The following EYS variants were observed in gnomAD, a reference collection of about 807,000 sequenced individuals.
EYS encodes the protein protein eyes shut homolog.
A neutral mutation model predicts 282.1 loss-of-function variants in EYS; 250 were observed. The ratio of observed to expected loss-of-function variants is 0.89; its 90% CI spans 0.80 to 0.98. The LOEUF (loss-of-function observed/expected upper bound fraction) is 0.98, where lower values mean the gene tolerates loss of function less well. Among genes scored for constraint, EYS ranks in the 50% least tolerant of loss-of-function variants. The probability of loss-of-function intolerance (pLI) is 0.00; values close to 1 mark genes in which losing one functional copy is unlikely to be tolerated. For synonymous variants in EYS, 1,355 were observed against 1,282.9 expected (o/e 1.06, Z -1.20); for missense variants, 4,016 against 3,709.0 (o/e 1.08, Z -2.15).
At chr6:64,450,987 A>T (rs147467895) in intron 26 of EYS, among the ~76,000 whole-genome samples, 4 of 151,942 alleles carry the variant, frequency 2.6e-5, no homozygotes, top group African/African-American at 4.8e-5. Flanking sequence ...AGCTAGCAGA[A>T]GGCAAGAAAT....
chr6:64,712,934 A>T (rs545793490), intron 22 of EYS, among the ~76,000 whole-genome samples: 2 of 152,310 alleles, frequency 1.3e-5, no homozygotes, highest in South Asian at 4.1e-4. Flanking sequence ...ATAAAGCCAC[A>T]CATCAAAACA....
rs376293341 is a variant in EYS, at chr6:63,968,160, C to A, written c.7055+16223G>T. The stretch of plus-strand genomic sequence containing the variant: ...TATTTGTCTTCTATATTTATATGTG[C>A]TCTTTGGGGCTATTTTAATTTGACA... On this transcript the variant is annotated intron_variant, in intron 35 of 42. Coordinates refer to ENST00000503581, the MANE Select transcript of EYS (RefSeq NM_001142800.2). 3.9e-5 allele frequency among the ~76,000 whole-genome samples: 6 copies of A among 152,088 alleles called. No homozygotes were observed. The South Asian group carries it at 1.2e-3, about 32-fold the overall frequency.
intron 26 of EYS, among the ~76,000 whole-genome samples, chr6:64,447,484 G>C (rs996164020): frequency 1.3e-5 from 2 of 151,474 alleles, no homozygotes; most frequent in Admixed American, 6.6e-5. Flanking sequence ...GCAATGTAAA[G>C]ATTTATATTA....
At position 65,217,426 on chromosome 6, in the gene EYS, TAAAC is replaced by T. The variant is rs370922142; in HGVS notation, c.2023+78433_2023+78436del. Reference sequence around the variant, plus strand: ...TATATGATCACTTATAATAAGGTATTAAACAATGAGAAATTTACTGTAAAGATGG... The same window carrying T: ...TATATGATCACTTATAATAAGGTATTAATGAGAAATTTACTGTAAAGATGG... On this transcript the variant is annotated intron_variant, in intron 12 of 42. Transcript: ENST00000503581. Among the ~76,000 whole-genome samples the T allele has an allele frequency of 9.3e-4, 142 of 152,168 alleles. 2 individuals are homozygous for T. Among genetic ancestry groups the T allele is most frequent in the African/African-American group, 3.2e-3 (131 of 41,552 alleles).
chr6:64,091,630 G>A (rs1177376829), intron 31 of EYS, among the ~76,000 whole-genome samples: 3 of 152,086 alleles, frequency 2.0e-5, no homozygotes, highest in Non-Finnish European at 2.9e-5. Context: ...ATCATGGCTG[G>A]GTGGATCAGG....
chr6:64,426,849 G>A (rs556204811), intron 28 of EYS, among the ~76,000 whole-genome samples: 1 of 152,216 alleles, frequency 6.6e-6, no homozygotes, highest in African/African-American at 2.4e-5. Context: ...GCTGAACTCT[G>A]ACTTTTTAAG....
intron 42 of EYS, among the ~76,000 whole-genome samples, chr6:63,724,048 C>G (rs1768519240): frequency 6.6e-6 from 1 of 152,084 alleles, no homozygotes. Context: ...TTCAGGTGAT[C>G]CGCCCACCTC....
At position 65,021,047 on chromosome 6, in the gene EYS, G is replaced by T. The variant is rs185151327; in HGVS notation, c.2138-23344C>A. 3.1e-4 allele frequency among the ~76,000 whole-genome samples: 47 copies of T among 152,294 alleles called. No individual in the cohort carries two copies. In the East Asian group the frequency reaches 8.5e-3, roughly 28 times the overall value. On this transcript the variant is annotated intron_variant, in intron 13 of 42. Coordinates refer to ENST00000503581, the MANE Select transcript of EYS (RefSeq NM_001142800.2). Reference sequence around the variant, plus strand: ...TTCCCTTTTAGATCTCCAAGCCTGTGATGGGAGGGGCTGCCATGAAGGCCT... The same window carrying T: ...TTCCCTTTTAGATCTCCAAGCCTGTTATGGGAGGGGCTGCCATGAAGGCCT...
intron 33 of EYS, among the ~76,000 whole-genome samples, chr6:64,014,551 G>C (rs1044464732): frequency 6.6e-6 from 1 of 152,022 alleles, no homozygotes; most frequent in Non-Finnish European, 1.5e-5. Flanking sequence ...TTTCACATTT[G>C]TATTAAAAAT....
At chr6:63,807,585 A>C (rs562733168) in intron 36 of EYS, among the ~76,000 whole-genome samples, 1 of 152,150 alleles carries the variant, frequency 6.6e-6, no homozygotes, top group African/African-American at 2.4e-5. Flanking sequence ...TCAGTTTATT[A>C]TGACTATTAA....
At chr6:65,119,630 CTT>C (rs3036008) in intron 12 of EYS, among the ~76,000 whole-genome samples, 26 of 135,218 alleles carry the variant, frequency 1.9e-4, no homozygotes, top group East Asian at 4.2e-4. Flanking sequence ...GCCTTTTTAT[CTT>C]TTTTTTTTTT....
chr6:65,182,595 A>T (rs930323582), intron 12 of EYS, among the ~76,000 whole-genome samples: 5 of 152,054 alleles, frequency 3.3e-5, no homozygotes, highest in African/African-American at 1.2e-4. Context: ...TTATTAAAAC[A>T]CACACTCAAT....
intron 12 of EYS, among the ~76,000 whole-genome samples, chr6:65,061,228 A>G (rs759326004): frequency 3.3e-5 from 5 of 151,948 alleles, no homozygotes; most frequent in African/African-American, 9.7e-5. Flanking sequence ...TGATTCAGTG[A>G]GCTGTAGTAA....
At chr6:65,332,128 A>T (rs139945100) in intron 11 of EYS, 1 of 434,290 alleles carries the variant, frequency 2.3e-6, no homozygotes, top group Admixed American at 4.0e-5. Context: ...CATTCTTCTT[A>T]TTTTTTTTTA....
At chr6:64,731,694 T>A (rs1192738707) in intron 22 of EYS, among the ~76,000 whole-genome samples, 1 of 152,178 alleles carries the variant, frequency 6.6e-6, no homozygotes, top group Non-Finnish European at 1.5e-5. Context: ...GAAATAGGAA[T>A]GCTTTTACGC....
At position 63,721,660 on chromosome 6, in the gene EYS, C is replaced by T; in HGVS notation, c.8371G>A (p.Val2791Ile). ...STWHIIKAGR[V>I]GAEGYLDLDG... The stretch of plus-strand genomic sequence containing the variant: ...AGATCCAGGTAGCCTTCTGCACCAA[C>T]TCTTCCTGCTTTTATTATATGCCAA... Residue 2791 changes from valine to isoleucine, a missense_variant, in exon 43 of 43, where the codon GTT becomes ATT. Transcript: ENST00000503581. 1.3e-6 allele frequency: 2 copies of T among 1,551,496 alleles called. No individual in the cohort carries two copies. Among genetic ancestry groups the T allele is most frequent in the South Asian group, 1.2e-5 (1 of 84,042 alleles).
At chr6:64,509,991 T>A (rs983022542) in intron 26 of EYS, among the ~76,000 whole-genome samples, 2 of 152,128 alleles carry the variant, frequency 1.3e-5, no homozygotes, top group African/African-American at 4.8e-5. Flanking sequence ...TTTATTATTT[T>A]GTTCTCCCAA....
chr6:63,725,166 C>T (rs1309231565), intron 42 of EYS, among the ~76,000 whole-genome samples: 2 of 151,966 alleles, frequency 1.3e-5, no homozygotes, highest in Non-Finnish European at 2.9e-5. Context: ...CAGCATCAAT[C>T]GTGTGAAACT....
chr6:64,948,237 T>C (rs1769358457), intron 14 of EYS, among the ~76,000 whole-genome samples: 3 of 151,256 alleles, frequency 2.0e-5, no homozygotes, highest in Admixed American at 1.3e-4. Flanking sequence ...CAAAAGTGCA[T>C]AGCAACTAAA....
Sources: gnomAD v4.1 joint callset for allele counts (sites outside exome capture counted in the v4.1 genomes callset) on GRCh38, gnomAD v4.1.1 for gene constraint, MANE v1.5 for transcripts, NCBI Gene and HGNC (gene_info 2026-07-23, HGNC 2026-07-21) for gene names.